The following PUS10 variants were observed in gnomAD, a reference collection of about 807,000 sequenced individuals.
PUS10 encodes the protein tRNA pseudouridine synthase Pus10.
Under a neutral mutation model 75.0 loss-of-function variants are expected in PUS10, and 59 were observed. The observed-to-expected ratio is 0.79, with a 90% CI of 0.64 to 0.98. The LOEUF (loss-of-function observed/expected upper bound fraction) is 0.98, where lower values mean the gene tolerates loss of function less well. Among genes scored for constraint, PUS10 ranks in the 50% least tolerant of loss-of-function variants. The pLI is 0.00. For missense variants in PUS10, 650 were observed against 614.4 expected (o/e 1.06, Z -0.61); for synonymous variants, 219 against 211.6 (o/e 1.03, Z -0.30).
chr2:60,982,730 T>C (rs1677476867), intron 4 of PUS10, among the ~76,000 whole-genome samples: 1 of 152,224 alleles, frequency 6.6e-6, no homozygotes, highest in Non-Finnish European at 1.5e-5. Flanking sequence ...CTCACAGTTC[T>C]TTCCAAAAGT....
At chr2:60,999,684 CT>C (rs1678719809) in intron 4 of PUS10, among the ~76,000 whole-genome samples, 1 of 152,098 alleles carries the variant, frequency 6.6e-6, no homozygotes, top group Admixed American at 6.6e-5. Context: ...GTTGAAAAGG[CT>C]TAAGATCTCT....
At chr2:60,980,332 T>C (rs889321102) in intron 4 of PUS10, among the ~76,000 whole-genome samples, 9 of 152,224 alleles carry the variant, frequency 5.9e-5, no homozygotes, top group African/African-American at 1.9e-4. Flanking sequence ...GCATCTTCTC[T>C]GAAACATTTA....
intron 4 of PUS10, among the ~76,000 whole-genome samples, chr2:60,996,407 T>G (rs1678462425): frequency 6.6e-6 from 1 of 152,156 alleles, no homozygotes; most frequent in East Asian, 1.9e-4. Flanking sequence ...CCATGTCTAG[T>G]CTTATGTTCT....
chr2:61,004,299 T>G (rs940818882), intron 4 of PUS10, among the ~76,000 whole-genome samples: 2 of 152,084 alleles, frequency 1.3e-5, no homozygotes, highest in African/African-American at 4.8e-5. Context: ...ATATCTCAAC[T>G]CCAAAGAAAT....
At chr2:61,013,545 G>A (rs896980991) in intron 1 of PUS10, among the ~76,000 whole-genome samples, 3 of 152,208 alleles carry the variant, frequency 2.0e-5, no homozygotes, top group African/African-American at 7.2e-5. Flanking sequence ...GAAGGCTCCT[G>A]TGTATACACA....
intron 15 of PUS10, among the ~76,000 whole-genome samples, chr2:60,950,965 A>G (rs1675299201): frequency 6.6e-6 from 1 of 151,676 alleles, no homozygotes; most frequent in African/African-American, 2.4e-5. Flanking sequence ...TCTACTGAGA[A>G]CTCTCCTCCA....
intron 5 of PUS10, among the ~76,000 whole-genome samples, chr2:60,971,304 T>C (rs1676646180): frequency 6.6e-6 from 1 of 152,064 alleles, no homozygotes; most frequent in African/African-American, 2.4e-5. Context: ...ACACAAAAAA[T>C]GAACCTGCTT....
rs116693642 is a variant in PUS10, at chr2:60,962,731, A to G, written c.788+95T>C. ...AAGACACAATCCTGGCCCCTGAAAT[A>G]CATCATCTTGTTTCAGAGATAATCC... On this transcript the variant is annotated intron_variant, in intron 9 of 17. Transcript: ENST00000316752. 804 of 1,480,156 alleles carry G rather than the reference A, an allele frequency of 5.4e-4. 2 individuals are homozygous for G. In the African/African-American group the frequency reaches 0.011, roughly 19 times the overall value. The allele number at this position is 1,480,156 out of a possible 1,614,324, so 91.7% of individuals were successfully genotyped here.
At chr2:61,016,481 G>C (rs1679985721) in intron 1 of PUS10, among the ~76,000 whole-genome samples, 1 of 152,318 alleles carries the variant, frequency 6.6e-6, no homozygotes, top group Non-Finnish European at 1.5e-5. Context: ...TATTATGTTT[G>C]AAAGCAAGCC....
chr2:61,015,065 T>A (rs1019383312), intron 1 of PUS10, among the ~76,000 whole-genome samples: 2 of 152,220 alleles, frequency 1.3e-5, no homozygotes, highest in African/African-American at 4.8e-5. Flanking sequence ...CAGGCTTGTA[T>A]GGACACACCA....
intron 1 of PUS10, among the ~76,000 whole-genome samples, chr2:61,013,418 T>C (rs1559008578): frequency 1.3e-5 from 2 of 152,220 alleles, no homozygotes. Context: ...CTTGCTGGGT[T>C]TCCCCACTGA....
chr2:60,949,926 GT>G (rs1385776384), intron 15 of PUS10, among the ~76,000 whole-genome samples: 2 of 152,070 alleles, frequency 1.3e-5, no homozygotes, highest in Non-Finnish European at 2.9e-5. Context: ...CCTCAGCATT[GT>G]TTCTGAATTA....
intron 6 of PUS10, chr2:60,965,768 G>A: frequency 4.5e-6 from 1 of 224,406 alleles, no homozygotes; most frequent in South Asian, 1.1e-4. Context: ...TAGGTATAAA[G>A]ATGAATGAGA....
In PUS10 at chr2:61,011,822, T is replaced by C. The variant is rs367978097; in HGVS notation, c.69A>G (p.Arg23=). Residue 23 remains arginine, a synonymous_variant, in exon 2 of 18, where the codon AGA becomes AGG. Transcript: ENST00000316752. Reference sequence around the variant, plus strand: ...CCACACCACAGAATCTGAAGATACATCTTGGACAAGTACCAGTATTGAGCA... The same window carrying C: ...CCACACCACAGAATCTGAAGATACACCTTGGACAAGTACCAGTATTGAGCA... ...QLLLNTGTCP[R]CIFRFCGVDF... is the part of the protein sequence containing the mutation. 6.2e-7 allele frequency: 1 copy of C among 1,611,094 alleles called. No individual in the cohort carries two copies. Among genetic ancestry groups the C allele is most frequent in the African/African-American group, 1.3e-5 (1 of 74,670 alleles).
At chr2:61,006,889 CA>C (rs1485985889) in intron 3 of PUS10, among the ~76,000 whole-genome samples, 8 of 152,124 alleles carry the variant, frequency 5.3e-5, no homozygotes, top group African/African-American at 1.9e-4. Flanking sequence ...TGTTAAGTGT[CA>C]AAATAGCTTT....
chr2:60,984,997 G>T (rs1314726145), intron 4 of PUS10, among the ~76,000 whole-genome samples: 10 of 152,100 alleles, frequency 6.6e-5, no homozygotes, highest in Admixed American at 6.6e-4. Context: ...GAGTTGTTTG[G>T]CACTTTCAGT....
At position 61,008,862 on chromosome 2, in the gene PUS10, T is replaced by C; in HGVS notation, c.280A>G (p.Ser94Gly). The change falls in exon 3 of 18, where the codon AGT becomes GGT. Residue 94 changes from serine (S) to glycine (G), a missense_variant. Transcript: ENST00000316752. ...TTGGAAGCAGTGCTTCCAACATGAC[T>C]AACAGAGATCCTTCCCTCTCCATTT... ...SQNGEGRISV[S>G]HVGSTASKNS... The C allele has an allele frequency of 6.2e-7, 1 of 1,613,694 alleles. No homozygotes were observed. Among genetic ancestry groups the C allele is most frequent in the Non-Finnish European group, 8.5e-7 (1 of 1,179,698 alleles).
At chr2:60,979,452 GT>G (rs1056103671) in intron 4 of PUS10, among the ~76,000 whole-genome samples, 1 of 152,144 alleles carries the variant, frequency 6.6e-6, no homozygotes, top group African/African-American at 2.4e-5. Context: ...AAAGAGGAAG[GT>G]AAGAGAGGAA....
At chr2:60,997,597 A>G (rs1253782579) in intron 4 of PUS10, among the ~76,000 whole-genome samples, 1 of 142,108 alleles carries the variant, frequency 7.0e-6, no homozygotes, top group Non-Finnish European at 1.5e-5. Flanking sequence ...GTGACAGAGC[A>G]AGACTCCATC....
Sources: allele counts gnomAD v4.1 joint callset (sites outside exome capture counted in the v4.1 genomes callset), GRCh38; gene constraint gnomAD v4.1.1; transcripts MANE v1.5; gene names NCBI Gene and HGNC (gene_info 2026-07-23, HGNC 2026-07-21).